Variants in NUTM2F observed in about 807,000 individuals in gnomAD.
NUTM2F encodes the protein NUT family member 2F.
A neutral mutation model predicts 43.3 loss-of-function variants in NUTM2F; 22 were observed. The observed-to-expected ratio is 0.51, with a 90% confidence interval of 0.36 to 0.73. The LOEUF is 0.73. NUTM2F is among the 30% of genes least tolerant of loss of function. The probability of loss-of-function intolerance (pLI) is 0.00; values close to 1 mark genes in which losing one functional copy is unlikely to be tolerated. For synonymous variants in NUTM2F, 202 were observed against 389.0 expected (o/e 0.52, Z 5.66); for missense variants, 488 against 927.4 (o/e 0.53, Z 6.15).
In NUTM2F at chr9:94,325,874, G is replaced by A. The variant is rs368683600; in HGVS notation, c.77C>T (p.Thr26Met). Residue 26 changes from threonine to methionine, a missense_variant, in exon 2 of 7, where the codon ACG (threonine) becomes ATG (methionine). By Grantham distance (81) the Thr-to-Met change is moderately conservative. Coordinates refer to ENST00000253262, the MANE Select transcript of NUTM2F (RefSeq NM_017561.2). The stretch of plus-strand genomic sequence containing the variant: ...AGCGGGTGTGGCAAAGGGCAGAGCC[G>A]TGAACACAGACAGGGAGGTGCCAGG... ...VNPGTSLSVF[T>M]ALPFATPAPG... 1.4e-5 allele frequency: 22 copies of A among 1,611,850 alleles called. No individual in the cohort carries two copies. The highest frequency in any genetic ancestry group is 2.2e-4 in the Middle Eastern group (1 of 4,520).
intron 3 of NUTM2F, 23 bp from the exon 4 acceptor site, chr9:94,321,255 C>T (rs1831362313): frequency 1.3e-6 from 2 of 1,570,238 alleles, no homozygotes; most frequent in African/African-American, 1.3e-5. Flanking sequence ...GAGGCCCAGG[C>T]TGTGCTGAGA....
At chr9:94,319,803 T>G (rs1165408337) in intron 5 of NUTM2F, 74 bp from the exon 6 acceptor site, 12 of 1,597,190 alleles carry the variant, frequency 7.5e-6, no homozygotes, top group Non-Finnish European at 1.0e-5. Flanking sequence ...CCGGAGGAGA[T>G]GCAGAAAGCG....
intron 2 of NUTM2F, among the ~76,000 whole-genome samples, chr9:94,322,740 G>A (rs1029340938): frequency 3.3e-5 from 5 of 151,676 alleles, no homozygotes; most frequent in African/African-American, 1.2e-4. Flanking sequence ...CAGGGCTCTT[G>A]CTCTCAGCCA....
chr9:94,320,305 T>C lies in NUTM2F; in HGVS notation c.1271A>G (p.Lys424Arg). The C allele has an allele frequency of 6.2e-7, 1 of 1,613,930 alleles. No homozygotes were observed. Among genetic ancestry groups the C allele is most frequent in the Non-Finnish European group, 8.5e-7 (1 of 1,179,866 alleles). The change falls in exon 5 of 7, where the codon AAA becomes AGA. Residue 424 changes from lysine (K) to arginine (R), a missense_variant. Lys to Arg is a conservative substitution (Grantham distance 26). Coordinates refer to ENST00000253262, the MANE Select transcript of NUTM2F (RefSeq NM_017561.2). The surrounding 1 kb of genome is among the most constrained non-coding windows in gnomAD (Gnocchi z 4.5). Reference protein sequence around the residue: ...GEPEGQREKGKVEQPQEEDGI... With the variant: ...GEPEGQREKGRVEQPQEEDGI... ...GTCCTCTTCCTGCGGCTGCTCCACT[T>C]TGCCCTTTTCCCGTTGTCCCTCAGG...
chr9:94,321,827 G>A (rs1342350876), intron 3 of NUTM2F, among the ~76,000 whole-genome samples: 2 of 150,550 alleles, frequency 1.3e-5, no homozygotes, highest in African/African-American at 2.4e-5. Flanking sequence ...GGAGAAAACC[G>A]ACTTCTGGCC....
intron 2 of NUTM2F, among the ~76,000 whole-genome samples, chr9:94,324,724 C>T (rs1463039476): frequency 2.7e-5 from 4 of 149,780 alleles, no homozygotes; most frequent in Admixed American, 2.0e-4. Context: ...GGCATGATGG[C>T]TCATGCCTGT....
At chr9:94,324,966 A>C (rs1587703890) in intron 2 of NUTM2F, among the ~76,000 whole-genome samples, 1 of 145,472 alleles carries the variant, frequency 6.9e-6, no homozygotes, top group Admixed American at 6.8e-5. Flanking sequence ...CAGCCTGGGC[A>C]ACAAGAGTGA....
In NUTM2F at chr9:94,318,357, TGGA is replaced by T. The variant is rs1486705636; in HGVS notation, c.*105_*107del. On this transcript the variant is annotated 3_prime_UTR_variant, in exon 7 of 7. Transcript: ENST00000253262. ...AGCTAAGGCCCAGCAAGATCAGCACTGGAGGAGAAGCAGCCTTTGCTTTGGGGC... is the reference window on the plus strand; with the variant it reads ...AGCTAAGGCCCAGCAAGATCAGCACTGGAGAAGCAGCCTTTGCTTTGGGGC... 82 of 266,408 alleles carry T rather than the reference TGGA, an allele frequency of 3.1e-4. No homozygotes were observed. In the African/African-American group the frequency reaches 5.8e-3, roughly 19 times the overall value. The allele number at this position is 266,408 out of a possible 1,614,324, so 16.5% of individuals were successfully genotyped here. A position where few individuals can be genotyped will look rare whatever the true frequency, so the allele number is the denominator to read the frequency against.
chr9:94,323,505 G>A (rs559599901), intron 2 of NUTM2F, among the ~76,000 whole-genome samples: 3 of 152,084 alleles, frequency 2.0e-5, no homozygotes, highest in South Asian at 4.1e-4. Flanking sequence ...CACAGTCCAC[G>A]GCTCTGGGCT....
intron 2 of NUTM2F, among the ~76,000 whole-genome samples, chr9:94,324,987 CAAAA>C (rs1205985816): frequency 1.0e-5 from 1 of 98,344 alleles, no homozygotes; most frequent in Non-Finnish European, 2.1e-5. Flanking sequence ...AAGTCCATCT[CAAAA>C]AAAAAAAAAA....
intron 5 of NUTM2F, among the ~76,000 whole-genome samples, 153 bp from the exon 6 acceptor site, chr9:94,319,882 C>G (rs1229179844): frequency 6.6e-6 from 1 of 152,140 alleles, no homozygotes; most frequent in East Asian, 1.9e-4. Context: ...CACGCACAGA[C>G]CACAGACCTC....
chr9:94,320,720 C>T lies in NUTM2F; in HGVS notation c.983-127G>A, dbSNP rs777988879. ...TGGGTCAGGACCACCTGAACCACAG[C>T]GCCCCGGAGGAGACGCCACAGGAGG... On this transcript the variant is annotated intron_variant, in intron 4 of 6. Coordinates refer to ENST00000253262, the MANE Select transcript of NUTM2F (RefSeq NM_017561.2). The surrounding 1 kb of genome is among the most constrained non-coding windows in gnomAD (Gnocchi z 4.5). The T allele has an allele frequency of 2.2e-4, 302 of 1,362,560 alleles. No homozygotes were observed. Among genetic ancestry groups the T allele is most frequent in the Non-Finnish European group, 2.7e-4 (278 of 1,022,172 alleles). 84.4% of individuals were successfully genotyped at this position (1,362,560 alleles called of 1,614,324 possible). A position where few individuals can be genotyped will look rare whatever the true frequency, so the allele number is the denominator to read the frequency against.
intron 1 of NUTM2F, among the ~76,000 whole-genome samples, chr9:94,326,426 C>G (rs1028590483): frequency 6.6e-6 from 1 of 151,992 alleles, no homozygotes; most frequent in African/African-American, 2.4e-5. Flanking sequence ...TTGTAAACCC[C>G]TTTCTTTCCT....
At chr9:94,322,833 G>A (rs1831395973) in intron 2 of NUTM2F, among the ~76,000 whole-genome samples, 1 of 152,110 alleles carries the variant, frequency 6.6e-6, no homozygotes. Context: ...ACCTTGATCT[G>A]GGACTTCTGG....
intron 2 of NUTM2F, among the ~76,000 whole-genome samples, chr9:94,322,817 G>A (rs1295735456): frequency 2.0e-5 from 3 of 152,114 alleles, no homozygotes; most frequent in South Asian, 2.1e-4. Context: ...CACCCAATCC[G>A]CTGTCACCTT....
At chr9:94,323,169 G>T (rs981380648) in intron 2 of NUTM2F, among the ~76,000 whole-genome samples, 2 of 152,132 alleles carry the variant, frequency 1.3e-5, no homozygotes, top group Admixed American at 1.3e-4. Flanking sequence ...CAAGGCAAAG[G>T]CCTGTGAGCC....
At chr9:94,322,960 G>T (rs1167083305) in intron 2 of NUTM2F, among the ~76,000 whole-genome samples, 2 of 151,212 alleles carry the variant, frequency 1.3e-5, no homozygotes, top group African/African-American at 2.4e-5. Flanking sequence ...TGGGAGCGAG[G>T]GTTAAAGTGC....
chr9:94,325,904 A>G lies in NUTM2F; in HGVS notation c.47T>C (p.Val16Ala), dbSNP rs1831447911. 5.6e-6 allele frequency: 9 copies of G among 1,611,888 alleles called. No homozygotes were observed. The Admixed American group carries it at 1.0e-4, about 18-fold the overall frequency. The change falls in exon 2 of 7, where the codon GTG becomes GCG. Residue 16 changes from valine to alanine, a missense_variant. Transcript: ENST00000253262. ...AYPVLGPGVT[V>A]NPGTSLSVFT... ...CACAGACAGGGAGGTGCCAGGGTTC[A>G]CGGTCACGCCGGGTCCCAGCACTGG...
At chr9:94,321,273 G>A in intron 3 of NUTM2F, 41 bp from the exon 4 acceptor site, 2 of 1,558,618 alleles carry the variant, frequency 1.3e-6, no homozygotes, top group Non-Finnish European at 1.7e-6. Flanking sequence ...AGAGGGTCCA[G>A]GCCCCCTCCC....
Sources: allele counts gnomAD v4.1 joint callset (sites outside exome capture counted in the v4.1 genomes callset), GRCh38; gene constraint gnomAD v4.1.1; non-coding constraint Gnocchi (gnomAD v3.1); transcripts MANE v1.5; gene names NCBI Gene and HGNC (gene_info 2026-07-23, HGNC 2026-07-21).